The following FSD2 variants were observed in gnomAD, a reference collection of about 807,000 sequenced individuals.
FSD2 encodes fibronectin type III and SPRY domain-containing protein 2.
FSD2 carries 71 observed loss-of-function variants against 80.4 expected under a neutral mutation model. The observed-to-expected ratio is 0.88, with a 90% CI of 0.73 to 1.08. The LOEUF (loss-of-function observed/expected upper bound fraction) is 1.08, where lower values mean the gene tolerates loss of function less well. Among genes scored for constraint, FSD2 ranks in the 50% least tolerant of loss-of-function variants. FSD2 has a pLI of 0.00. For synonymous variants in FSD2, 361 were observed against 329.5 expected (o/e 1.10, Z -1.03); for missense variants, 923 against 913.8 (o/e 1.01, Z -0.13).
chr15:82,759,407 G>A lies in FSD2; in HGVS notation c.2191C>T (p.Pro731Ser). The A allele has an allele frequency of 6.2e-7, 1 of 1,613,682 alleles. No individual in the cohort carries two copies. Among genetic ancestry groups the A allele is most frequent in the Non-Finnish European group, 8.5e-7 (1 of 1,179,758 alleles). The change falls in exon 13 of 13, where the codon CCT becomes TCT. Residue 731 changes from proline (P) to serine (S), a missense_variant. Pro to Ser is a moderately conservative substitution (Grantham distance 74). Transcript: ENST00000334574. ...CCATTATGTACCTTTAGACACCCAG[G>A]CTTTTCCAAAGAAAAACAGGGATGC... Reference protein sequence around the residue: ...FVHPCFSLEKPGCLKVHNGIS... With the variant: ...FVHPCFSLEKSGCLKVHNGIS...
chr15:82,756,972 T>G lies in FSD2; in HGVS notation c.*2376A>C, dbSNP rs1452378499. 1 of 152,190 alleles carries G rather than the reference T, an allele frequency of 6.6e-6. No individual in the cohort carries two copies. Among genetic ancestry groups the G allele is most frequent in the African/African-American group, 2.4e-5 (1 of 41,448 alleles). 9.4% of individuals were successfully genotyped at this position (152,190 alleles called of 1,614,324 possible). On this transcript the variant is annotated 3_prime_UTR_variant, in exon 13 of 13. Coordinates refer to ENST00000334574, the MANE Select transcript of FSD2 (RefSeq NM_001007122.4). ...TGTCCCTTGCTGAATACAGTTTCAG[T>G]AGATTGTTTATAGTAGTTTCAGGAA... is the stretch of plus-strand genomic sequence containing the variant.
At position 82,782,976 on chromosome 15, in the gene FSD2, A is replaced by T; in HGVS notation, c.785T>A (p.Ile262Asn). The T allele has an allele frequency of 6.2e-7, 1 of 1,613,658 alleles. No individual in the cohort carries two copies. Among genetic ancestry groups the T allele is most frequent in the Non-Finnish European group, 8.5e-7 (1 of 1,179,840 alleles). ...ATATTTTTGAGCAAGTGTTTCCAAG[A>T]TCTCGTTGTAATGTGACTCAAAGTT... The part of the protein sequence containing the change: ...EQNFESHYNE[I>N]LETLAQKYEE... The change falls in exon 4 of 13, where the codon ATC (isoleucine) becomes AAC (asparagine). Residue 262 changes from isoleucine (I) to asparagine (N), a missense_variant. Ile to Asn is a moderately radical substitution (Grantham distance 149). Transcript: ENST00000334574.
In FSD2 at chr15:82,769,849, C is replaced by A. The variant is rs1347910271; in HGVS notation, c.1303G>T (p.Val435Leu). 1.9e-5 allele frequency: 31 copies of A among 1,613,778 alleles called. No homozygotes were observed. The Admixed American group carries it at 5.2e-4, about 27-fold the overall frequency. The change falls in exon 8 of 13, where the codon GTG (valine) becomes TTG (leucine). Residue 435 changes from valine to leucine, a missense_variant. Val to Leu is a conservative substitution (Grantham distance 32). Transcript: ENST00000334574. ...TVTVKETYCSVTNLVPNTQYE... is the reference protein window; with the variant it reads ...TVTVKETYCSLTNLVPNTQYE... ...TGGGTATTTGGCACAAGGTTTGTCACTGAGCAATATGTTTCTTTGACAGTC... is the reference window on the plus strand; with the variant it reads ...TGGGTATTTGGCACAAGGTTTGTCAATGAGCAATATGTTTCTTTGACAGTC...
In FSD2 at chr15:82,787,325, G is replaced by A; in HGVS notation, c.66C>T (p.Tyr22=). The change falls in exon 2 of 13, where the codon TAC becomes TAT. Residue 22 remains tyrosine, a synonymous_variant. Transcript: ENST00000334574. ...DRSTPKDFHF[Y]HMDLYDSEDR... ...CTTCAGAGTCATACAGGTCCATGTG[G>A]TAAAAGTGGAAATCCTTGGGAGTAG... 6.2e-7 allele frequency: 1 copy of A among 1,613,834 alleles called. No homozygotes were observed. Among genetic ancestry groups the A allele is most frequent in the Non-Finnish European group, 8.5e-7 (1 of 1,179,848 alleles).
At chr15:82,800,751 C>A (rs994345508) in intron 1 of FSD2, among the ~76,000 whole-genome samples, 4 of 148,592 alleles carry the variant, frequency 2.7e-5, no homozygotes, top group Non-Finnish European at 5.9e-5. Context: ...AACTCCCAGC[C>A]AATCAGTAAC....
At position 82,759,407 on chromosome 15, in the gene FSD2, G is replaced by C. The variant is rs1567295535; in HGVS notation, c.2191C>G (p.Pro731Ala). Residue 731 changes from proline to alanine, a missense_variant, in exon 13 of 13, where the codon CCT becomes GCT. Pro to Ala is a conservative substitution (Grantham distance 27). Coordinates refer to ENST00000334574, the MANE Select transcript of FSD2 (RefSeq NM_001007122.4). ...CCATTATGTACCTTTAGACACCCAG[G>C]CTTTTCCAAAGAAAAACAGGGATGC... is the stretch of plus-strand genomic sequence containing the variant. ...FVHPCFSLEK[P>A]GCLKVHNGIS... The C allele has an allele frequency of 1.2e-6, 2 of 1,613,682 alleles. No homozygotes were observed. Among genetic ancestry groups the C allele is most frequent in the Non-Finnish European group, 1.7e-6 (2 of 1,179,758 alleles).
At chr15:82,791,663 C>T (rs182705158) in intron 1 of FSD2, among the ~76,000 whole-genome samples, 109 of 152,278 alleles carry the variant, frequency 7.2e-4, no homozygotes, top group Non-Finnish European at 1.3e-3. Flanking sequence ...TGAGCCACTG[C>T]GCCCGGCTGT....
intron 1 of FSD2, among the ~76,000 whole-genome samples, chr15:82,805,294 G>A (rs991245503): frequency 6.6e-6 from 1 of 152,012 alleles, no homozygotes; most frequent in Non-Finnish European, 1.5e-5. Flanking sequence ...TGAAACCTGT[G>A]AATTCTCTTC....
At chr15:82,799,847 G>T (rs1046962174) in intron 1 of FSD2, among the ~76,000 whole-genome samples, 1 of 152,174 alleles carries the variant, frequency 6.6e-6, no homozygotes, top group Non-Finnish European at 1.5e-5. Context: ...TCTAAATGGT[G>T]CCTATTCTGC....
In FSD2 at chr15:82,759,174, C is replaced by T. The variant is rs2049230737; in HGVS notation, c.*174G>A. 5 of 661,934 alleles carry T rather than the reference C, an allele frequency of 7.6e-6. No individual in the cohort carries two copies. The highest frequency in any genetic ancestry group is 1.0e-5 in the Non-Finnish European group (4 of 398,236). 41.0% of individuals were successfully genotyped at this position (661,934 alleles called of 1,614,324 possible). ...CTAGCAGCACACAGGTAGCAGCACA[C>T]AGGACTAGAATCCAGGTTGGGTGAA... On this transcript the variant is annotated 3_prime_UTR_variant, in exon 13 of 13. Coordinates refer to ENST00000334574, the MANE Select transcript of FSD2 (RefSeq NM_001007122.4).
intron 12 of FSD2, among the ~76,000 whole-genome samples, chr15:82,760,721 GCA>G (rs1404123558): frequency 8.4e-6 from 1 of 119,168 alleles, no homozygotes; most frequent in African/African-American, 3.4e-5. Context: ...TAACGTGTGT[GCA>G]CGTGTGTGCG....
intron 9 of FSD2, among the ~76,000 whole-genome samples, chr15:82,766,978 A>G (rs1228495518): frequency 2.0e-5 from 3 of 152,152 alleles, no homozygotes; most frequent in East Asian, 1.9e-4. Context: ...CCATTTACCA[A>G]TACAACACCC....
chr15:82,799,196 C>T (rs897443834), intron 1 of FSD2, among the ~76,000 whole-genome samples: 1 of 152,020 alleles, frequency 6.6e-6, no homozygotes, highest in African/African-American at 2.4e-5. Flanking sequence ...TTTGATTGCC[C>T]TTTTAATATA....
Position 82,790,809 on chromosome 15 carries a change from T to A in FSD2, c.-78-3341A>T, listed in dbSNP as rs192358071. On this transcript the variant is annotated intron_variant, in intron 1 of 12. Transcript: ENST00000334574. The stretch of plus-strand genomic sequence containing the variant: ...ACTGTGTTAGCCAGGATGGTCTCGA[T>A]CTCCTGACCTCGTGATCCGCCCACC... Among the ~76,000 whole-genome samples the A allele has an allele frequency of 1.2e-3, 179 of 149,112 alleles. 3 individuals are homozygous for A. Among genetic ancestry groups the A allele is most frequent in the South Asian group, 5.9e-3 (28 of 4,706 alleles).
chr15:82,787,781 A>T (rs1402055498), intron 1 of FSD2, among the ~76,000 whole-genome samples: 1 of 151,784 alleles, frequency 6.6e-6, no homozygotes, highest in African/African-American at 2.4e-5. Context: ...TATTATTATT[A>T]TTATTAATTT....
intron 9 of FSD2, among the ~76,000 whole-genome samples, chr15:82,767,404 A>C (rs1042581189): frequency 6.6e-6 from 1 of 152,218 alleles, no homozygotes; most frequent in African/African-American, 2.4e-5. Flanking sequence ...AGGAACTGAA[A>C]CATGACCAAT....
chr15:82,780,696 G>A (rs2049834388), intron 4 of FSD2, among the ~76,000 whole-genome samples: 1 of 151,104 alleles, frequency 6.6e-6, no homozygotes, highest in Non-Finnish European at 1.5e-5. Context: ...CTATATATGT[G>A]ATAATACATA....
rs181647135 is a variant in FSD2 at position 82,774,247 on chromosome 15, G to A, written c.1112-2019C>T. ...GGTGCCACACCAAGCTAATTTTTAAGATTTTTTTTGTAGAGATAGGGTCTT... is the reference window on the plus strand; with the variant it reads ...GGTGCCACACCAAGCTAATTTTTAAAATTTTTTTTGTAGAGATAGGGTCTT... On this transcript the variant is annotated intron_variant, in intron 6 of 12. Transcript: ENST00000334574. 9.2e-5 allele frequency among the ~76,000 whole-genome samples: 14 copies of A among 152,076 alleles called. No individual in the cohort carries two copies. In the East Asian group the frequency reaches 2.5e-3, roughly 27 times the overall value.
In FSD2 at chr15:82,765,260, A is replaced by C; in HGVS notation, c.1726T>G (p.Trp576Gly). Reference protein sequence around the residue: ...FRLNKDTCHPWLTISEDGLTA... With the variant: ...FRLNKDTCHPGLTISEDGLTA... ...AGTCCGTCTTCAGAAATGGTCAGCC[A>C]GGGATGGCAAGTGTCCTTGTTTAGG... Residue 576 changes from tryptophan (W) to glycine (G), a missense_variant, in exon 11 of 13, where the codon TGG (tryptophan) becomes GGG (glycine). By Grantham distance (184) the Trp-to-Gly change is radical (BLOSUM62 -2). Coordinates refer to ENST00000334574, the MANE Select transcript of FSD2 (RefSeq NM_001007122.4). 6.2e-7 allele frequency: 1 copy of C among 1,613,336 alleles called. No individual in the cohort carries two copies. Among genetic ancestry groups the C allele is most frequent in the Non-Finnish European group, 8.5e-7 (1 of 1,179,640 alleles).
Sources: allele counts gnomAD v4.1 joint callset (sites outside exome capture counted in the v4.1 genomes callset), GRCh38; gene constraint gnomAD v4.1.1; transcripts MANE v1.5; gene names NCBI Gene and HGNC (gene_info 2026-07-23, HGNC 2026-07-21).